SANBR: variants seen among roughly 807,000 people sequenced by gnomAD.
The protein encoded by SANBR is SANT and BTB domain regulator of CSR.
Under a neutral mutation model 101.8 loss-of-function variants are expected in SANBR, and 77 were observed. The ratio of observed to expected loss-of-function variants is 0.76; its 90% CI spans 0.63 to 0.91. The LOEUF is 0.91. SANBR is among the 40% of genes least tolerant of loss of function. The probability of loss-of-function intolerance (pLI) is 0.00; values close to 1 mark genes in which losing one functional copy is unlikely to be tolerated. For synonymous variants in SANBR, 279 were observed against 274.7 expected, an observed-to-expected ratio of 1.02 and a Z score of -0.15; for missense variants, 875 against 853.0, an observed-to-expected ratio of 1.03 and a Z score of -0.32.
At chr2:61,120,259 T>C (rs1175175050) in intron 20 of SANBR, among the ~76,000 whole-genome samples, 3 of 152,140 alleles carry the variant, frequency 2.0e-5, no homozygotes, top group African/African-American at 7.2e-5. Context: ...TCCCAGCACT[T>C]TGGGAGGCCA....
At chr2:61,117,629 T>C in intron 19 of SANBR, 89 bp downstream of exon 19, 2 of 1,156,850 alleles carry the variant, frequency 1.7e-6, no homozygotes, top group Non-Finnish European at 2.5e-6. Context: ...GCTGAATAGC[T>C]CTAGAGTTTC....
In SANBR at chr2:61,122,904, AG is replaced by A. The variant is rs921785477; in HGVS notation, c.*744del. On this transcript the variant is annotated 3_prime_UTR_variant, in exon 22 of 22. Coordinates refer to ENST00000402291, the MANE Select transcript of SANBR (RefSeq NM_001129993.3). ...TGGTAAAATAACCATTGATAGTTTT[AG>A]GATAGTAAATCATTTCTGTTATATG... The A allele has an allele frequency of 1.0e-6, 1 of 985,278 alleles. No homozygotes were observed. The highest frequency in any genetic ancestry group is 1.7e-5 in the African/African-American group (1 of 57,232). 61.0% of individuals were successfully genotyped at this position (985,278 alleles called of 1,614,324 possible).
chr2:61,075,006 C>T (rs1276069399), intron 5 of SANBR: 1 of 151,434 alleles, frequency 6.6e-6, no homozygotes. Flanking sequence ...CTGTGTTGCC[C>T]AGTCTGGTCC....
At chr2:61,133,343 G>A (rs982982249) in intron 20 of SANBR, among the ~76,000 whole-genome samples, 2 of 152,074 alleles carry the variant, frequency 1.3e-5, no homozygotes, top group African/African-American at 2.4e-5. Context: ...TTTTGTTTGG[G>A]GTAATGAAAA....
At chr2:61,085,581 ACT>A (rs1003915003) in intron 8 of SANBR, among the ~76,000 whole-genome samples, 5 of 149,618 alleles carry the variant, frequency 3.3e-5, no homozygotes, top group African/African-American at 4.9e-5. Flanking sequence ...TGAGATCTCG[ACT>A]CTCTGCAACC....
At chr2:61,131,642 CA>C (rs1284390812) in intron 20 of SANBR, among the ~76,000 whole-genome samples, 2 of 152,202 alleles carry the variant, frequency 1.3e-5, no homozygotes, top group Non-Finnish European at 2.9e-5. Flanking sequence ...CAGTCTCTAG[CA>C]GAGAGACTTG....
At chr2:61,074,599 T>C (rs1681659527) in intron 5 of SANBR, among the ~76,000 whole-genome samples, 1 of 152,160 alleles carries the variant, frequency 6.6e-6, no homozygotes, top group Non-Finnish European at 1.5e-5. Context: ...AGATGGACTT[T>C]CGCCATGGTG....
intron 12 of SANBR, 116 bp from the exon 13 acceptor site, chr2:61,103,737 A>G: frequency 1.1e-6 from 1 of 945,802 alleles, no homozygotes; most frequent in Non-Finnish European, 1.6e-6. Flanking sequence ...TTCTTGAGAA[A>G]AAGTTATAAA....
chr2:61,069,526 C>T (rs977957843), intron 2 of SANBR: 3 of 152,274 alleles, frequency 2.0e-5, no homozygotes, highest in Non-Finnish European at 2.9e-5. Context: ...CATTTTTGTC[C>T]ATAGGAGCAG....
chr2:61,077,221 G>T lies in SANBR; in HGVS notation c.670+63G>T, dbSNP rs534894358. On this transcript the variant is annotated intron_variant, in intron 6 of 21. Coordinates refer to ENST00000402291, the MANE Select transcript of SANBR (RefSeq NM_001129993.3). ...TGTGTGTCACCTGGTAGTTTCTTCAGGCCAAAAGTGAAATGTGGAAAATTG... is the reference window on the plus strand; with the variant it reads ...TGTGTGTCACCTGGTAGTTTCTTCATGCCAAAAGTGAAATGTGGAAAATTG... 4.6e-5 allele frequency: 53 copies of T among 1,164,734 alleles called. 1 individual carries two copies. In the South Asian group the frequency reaches 6.9e-4, roughly 15 times the overall value. 72.1% of individuals were successfully genotyped at this position (1,164,734 alleles called of 1,614,324 possible). A position where few individuals can be genotyped will look rare whatever the true frequency, so the allele number is the denominator to read the frequency against.
chr2:61,122,120 A>G lies in SANBR; in HGVS notation c.2121-6A>G. 2 of 1,550,412 alleles carry G rather than the reference A, an allele frequency of 1.3e-6. No homozygotes were observed. The highest frequency in any genetic ancestry group is 1.7e-6 in the Non-Finnish European group (2 of 1,146,170). ...TCTGACCTCCTTTTCTGTTTAAAAAATCTAGGTCTAAAAGTCGTTTTGGTC... is the reference window on the plus strand; with the variant it reads ...TCTGACCTCCTTTTCTGTTTAAAAAGTCTAGGTCTAAAAGTCGTTTTGGTC... On this transcript the variant is annotated splice_polypyrimidine_tract_variant and splice_region_variant and intron_variant, in intron 21 of 21. Coordinates refer to ENST00000402291, the MANE Select transcript of SANBR (RefSeq NM_001129993.3).
rs747161495 is a variant in SANBR at position 61,090,909 on chromosome 2, C to CT, written c.1089-1538dup. Among the ~76,000 whole-genome samples the CT allele has an allele frequency of 5.9e-3, 820 of 139,222 alleles. 4 individuals carry two copies. Among genetic ancestry groups the CT allele is most frequent in the African/African-American group, 0.011 (433 of 38,136 alleles). The allele number at this position is 139,222 out of a possible 152,430, so 91.3% of individuals were successfully genotyped here. The stretch of plus-strand genomic sequence containing the variant: ...CATTTAAAAAATTGTTTTAAAATTC[C>CT]TTTTTTTTTTTTTTTTTGAGTTGGA... On this transcript the variant is annotated intron_variant, in intron 10 of 21. Coordinates refer to ENST00000402291, the MANE Select transcript of SANBR (RefSeq NM_001129993.3).
chr2:61,121,145 G>C (rs1177695550), intron 20 of SANBR, 40 bp from the exon 21 acceptor site: 2 of 1,340,038 alleles, frequency 1.5e-6, no homozygotes, highest in Non-Finnish European at 2.1e-6. Context: ...AGCTTCTATT[G>C]ATTCTGTGAA....
Position 61,097,366 on chromosome 2 carries a change from T to A in SANBR, c.1213-334T>A, listed in dbSNP as rs79742623. Among the ~76,000 whole-genome samples, 21 of 152,330 alleles carry A rather than the reference T, an allele frequency of 1.4e-4. No individual in the cohort carries two copies. The East Asian group carries it at 2.9e-3, about 21-fold the overall frequency. On this transcript the variant is annotated intron_variant, in intron 11 of 21. Transcript: ENST00000402291. ...ATAAAATTTACTCATTTTATTTTTT[T>A]ATTTTTATTAAGTTAGGTTGTGTTC...
intron 12 of SANBR, 129 bp downstream of exon 12, chr2:61,097,981 T>C (rs1287176918): frequency 9.9e-6 from 6 of 607,902 alleles, no homozygotes; most frequent in Non-Finnish European, 1.6e-5. Context: ...CACTCCCCCA[T>C]TTTCCATCTC....
intron 1 of SANBR, among the ~76,000 whole-genome samples, chr2:61,066,895 A>G (rs1681204482): frequency 6.6e-6 from 1 of 152,158 alleles, no homozygotes; most frequent in Admixed American, 6.5e-5. Flanking sequence ...TCTGTTAAAC[A>G]TATTGGATTT....
At chr2:61,107,630 A>G (rs770292052) in intron 14 of SANBR, among the ~76,000 whole-genome samples, 23 of 152,198 alleles carry the variant, frequency 1.5e-4, no homozygotes, top group Admixed American at 2.0e-4. Context: ...CATGCCGGGC[A>G]TGGTGGTTCA....
At chr2:61,127,617 CTG>C (rs1240804669), downstream of SANBR, among the ~76,000 whole-genome samples, 1 of 152,210 alleles carries the variant, frequency 6.6e-6, no homozygotes, top group Non-Finnish European at 1.5e-5. Context: ...GATTAGGTAA[CTG>C]TTTTCCATCC....
At chr2:61,072,374 C>A (rs1367166128) in intron 4 of SANBR, among the ~76,000 whole-genome samples, 2 of 151,880 alleles carry the variant, frequency 1.3e-5, no homozygotes, top group Admixed American at 1.3e-4. Context: ...GAGTTCAAGA[C>A]CAACCTGGGC....
Sources: allele counts gnomAD v4.1 joint callset (sites outside exome capture counted in the v4.1 genomes callset), GRCh38; gene constraint gnomAD v4.1.1; transcripts MANE v1.5; gene names NCBI Gene and HGNC (gene_info 2026-07-23, HGNC 2026-07-21).